Variants in CAPRIN1 observed in about 807,000 individuals in gnomAD.
CAPRIN1 encodes cell cycle associated protein 1, also known as caprin-1.
Under a neutral mutation model 100.9 loss-of-function variants are expected in CAPRIN1, and 29 were observed. The observed-to-expected ratio is 0.29, with a 90% confidence interval of 0.21 to 0.39. The LOEUF is 0.39. Ranked by LOEUF, CAPRIN1 falls within the 10% of genes least tolerant of loss-of-function variation. The probability of loss-of-function intolerance (pLI) is 1.00; values close to 1 mark genes in which losing one functional copy is unlikely to be tolerated. For missense variants in CAPRIN1, 795 were observed against 876.7 expected (o/e 0.91, Z 1.18); for synonymous variants, 338 against 307.5 (o/e 1.10, Z -1.04).
chr11:34,052,903 C>T lies in CAPRIN1; in HGVS notation c.216+267C>T, dbSNP rs1850358414. On this transcript the variant is annotated intron_variant, in intron 2 of 18. Coordinates refer to ENST00000341394, the MANE Select transcript of CAPRIN1 (RefSeq NM_005898.5). ...TATTACTCTTCCGCTGTGGGTCCGG[C>T]TTTTTGGCCTTTAGGAGTGGGACAT... 3.8e-6 allele frequency: 5 copies of T among 1,323,694 alleles called. 1 individual carries two copies. The East Asian group carries it at 1.7e-4, about 46-fold the overall frequency. 82.0% of individuals were successfully genotyped at this position (1,323,694 alleles called of 1,614,324 possible).
At chr11:34,097,652 A>G (rs1445157655) in intron 17 of CAPRIN1, 46 bp from the exon 18 acceptor site, 1 of 1,611,844 alleles carries the variant, frequency 6.2e-7, no homozygotes, top group African/African-American at 1.3e-5. Flanking sequence ...ATGGGTAAGC[A>G]TTTTTTAAAA....
chr11:34,089,881 GAC>G (rs1851229271), intron 12 of CAPRIN1: 5 of 196,826 alleles, frequency 2.5e-5, no homozygotes, highest in African/African-American at 1.2e-4. Context: ...AATTTCAGAA[GAC>G]ATAGTTTAGA....
Position 34,082,941 on chromosome 11 carries a change from A to G in CAPRIN1, c.880-14A>G. The G allele has an allele frequency of 1.2e-6, 2 of 1,612,874 alleles. No homozygotes were observed. Among genetic ancestry groups the G allele is most frequent in the Non-Finnish European group, 1.7e-6 (2 of 1,178,804 alleles). On this transcript the variant is annotated splice_polypyrimidine_tract_variant and intron_variant, in intron 8 of 18. Transcript: ENST00000341394. ...TTTCAAACAAATGTCTCAAACATTT[A>G]CTTTGCTTTGCAGTATGTAAATAGA... is the stretch of plus-strand genomic sequence containing the variant.
chr11:34,090,331 T>TA, intron 13 of CAPRIN1, 42 bp downstream of exon 13: 2 of 1,356,518 alleles, frequency 1.5e-6, no homozygotes, highest in Admixed American at 3.4e-5. Context: ...ATGAGGCACT[T>TA]ACTCATGAAT....
intron 18 of CAPRIN1, 190 bp from the exon 19 acceptor site, chr11:34,099,113 A>G: frequency 2.1e-6 from 3 of 1,431,888 alleles, no homozygotes; most frequent in African/African-American, 2.9e-5. Context: ...TTTAGCTAAG[A>G]GAACATGAGC....
chr11:34,080,660 G>C (rs1182400244), intron 7 of CAPRIN1, among the ~76,000 whole-genome samples: 7 of 152,186 alleles, frequency 4.6e-5, no homozygotes, highest in South Asian at 2.1e-4. Context: ...TGAATACAAG[G>C]AAACATTGGA....
rs1423912944 is a variant in CAPRIN1 at position 34,052,432 on chromosome 11, C to T, written c.12C>T (p.Ala4=). The change falls in exon 2 of 19, where the codon GCC becomes GCT. Residue 4 remains alanine (A), a synonymous_variant. Transcript: ENST00000341394. MPS[A]TSHSGSGSKS... ...CTTGCGGTCTGAAGATGCCCTCGGCCACCAGCCACAGCGGGAGCGGCAGCA... is the reference window on the plus strand; with the variant it reads ...CTTGCGGTCTGAAGATGCCCTCGGCTACCAGCCACAGCGGGAGCGGCAGCA... 12 of 1,607,562 alleles carry T rather than the reference C, an allele frequency of 7.5e-6. No individual in the cohort carries two copies. The highest frequency in any genetic ancestry group is 3.4e-5 in the Admixed American group (2 of 59,040).
chr11:34,079,547 T>C (rs1229627255), intron 6 of CAPRIN1, 81 bp from the exon 7 acceptor site: 5 of 1,150,024 alleles, frequency 4.3e-6, no homozygotes, highest in Middle Eastern at 2.4e-4. Flanking sequence ...TTAATCACAA[T>C]ATTTTATAGA....
chr11:34,052,810 A>T, intron 2 of CAPRIN1, 174 bp downstream of exon 2: 1 of 1,451,374 alleles, frequency 6.9e-7, no homozygotes, highest in Non-Finnish European at 9.1e-7. Context: ...CTTCGTGCCC[A>T]GAAAACGGGC....
intron 15 of CAPRIN1, 48 bp from the exon 16 acceptor site, chr11:34,096,431 C>G: frequency 7.1e-7 from 1 of 1,412,824 alleles, no homozygotes; most frequent in African/African-American, 1.4e-5. Context: ...GGAGAACAAA[C>G]GGTAATGAGC....
At chr11:34,087,044 T>TA (rs1200586831) in intron 11 of CAPRIN1, among the ~76,000 whole-genome samples, 2 of 152,196 alleles carry the variant, frequency 1.3e-5, no homozygotes, top group Non-Finnish European at 2.9e-5. Context: ...TTTCTGGACT[T>TA]ACACCATTAT....
intron 6 of CAPRIN1, among the ~76,000 whole-genome samples, chr11:34,077,775 A>G (rs1249698570): frequency 6.6e-6 from 1 of 152,204 alleles, no homozygotes; most frequent in East Asian, 1.9e-4. Flanking sequence ...TATTTGCTTT[A>G]AGGAAATGGG....
At chr11:34,074,675 A>G (rs112748480) in intron 4 of CAPRIN1, among the ~76,000 whole-genome samples, 15,550 of 152,198 alleles carry the variant, frequency 0.1, 863 homozygotes, top group African/African-American at 0.15. Flanking sequence ...CTGAGGTCAG[A>G]AGTTCGAGAC....
At chr11:34,072,463 AATAC>A (rs534411363) in intron 4 of CAPRIN1, among the ~76,000 whole-genome samples, 2 of 152,242 alleles carry the variant, frequency 1.3e-5, no homozygotes, top group Non-Finnish European at 2.9e-5. Flanking sequence ...AGTCATTAGA[AATAC>A]ATAAATGTTT....
chr11:34,065,404 A>G (rs1459767046), intron 2 of CAPRIN1, among the ~76,000 whole-genome samples: 1 of 152,242 alleles, frequency 6.6e-6, no homozygotes, highest in Non-Finnish European at 1.5e-5. Context: ...CATGCATCAG[A>G]ATCACCCAGA....
chr11:34,084,531 C>T (rs1347789789), intron 9 of CAPRIN1, among the ~76,000 whole-genome samples: 6 of 152,118 alleles, frequency 3.9e-5, no homozygotes. Flanking sequence ...TAGGACACTC[C>T]CACACACCGA....
Position 34,100,722 on chromosome 11 carries a change from T to G in CAPRIN1, c.*1355T>G, listed in dbSNP as rs1311993324. ...CCTTCCCTTAGATGCATAGGGAGAG[T>G]CTCTAAATTTGATGGAAATGGACAC... On this transcript the variant is annotated 3_prime_UTR_variant, in exon 19 of 19. Coordinates refer to ENST00000341394, the MANE Select transcript of CAPRIN1 (RefSeq NM_005898.5). The G allele has an allele frequency of 2.0e-5, 3 of 152,470 alleles. No homozygotes were observed. Among genetic ancestry groups the G allele is most frequent in the Non-Finnish European group, 4.4e-5 (3 of 67,994 alleles). The allele number at this position is 152,470 out of a possible 1,614,324, so 9.4% of individuals were successfully genotyped here. A position where few individuals can be genotyped will look rare whatever the true frequency, so the allele number is the denominator to read the frequency against.
At chr11:34,095,450 T>A (rs959987713) in intron 15 of CAPRIN1, among the ~76,000 whole-genome samples, 1 of 152,360 alleles carries the variant, frequency 6.6e-6, no homozygotes, top group African/African-American at 2.4e-5. Context: ...TGGCTCTCTC[T>A]TTTTCTCTAG....
At chr11:34,076,513 T>G (rs1850909959) in intron 5 of CAPRIN1, 39 bp downstream of exon 5, 1 of 1,606,768 alleles carries the variant, frequency 6.2e-7, no homozygotes, top group Non-Finnish European at 8.5e-7. Context: ...TCTGAGTATT[T>G]AAGTTGACAA....
Sources: allele counts gnomAD v4.1 joint callset (sites outside exome capture counted in the v4.1 genomes callset), GRCh38; gene constraint gnomAD v4.1.1; transcripts MANE v1.5; gene names NCBI Gene and HGNC (gene_info 2026-07-23, HGNC 2026-07-21).